The following CSMD2 variants were observed in gnomAD, a reference collection of about 807,000 sequenced individuals.
The protein encoded by CSMD2 is CUB and sushi domain-containing protein 2.
Under a neutral mutation model 398.5 loss-of-function variants are expected in CSMD2, and 130 were observed. The ratio of observed to expected loss-of-function variants is 0.33; its 90% CI spans 0.28 to 0.38. The LOEUF (loss-of-function observed/expected upper bound fraction) is 0.38, where lower values mean the gene tolerates loss of function less well. Ranked by LOEUF, CSMD2 falls within the 10% of genes least tolerant of loss-of-function variation. The pLI is 1.00. For synonymous variants in CSMD2, 1,828 were observed against 1,908.5 expected, an observed-to-expected ratio of 0.96 and a Z score of 1.10; for missense variants, 3,829 against 4,764.9, an observed-to-expected ratio of 0.80 and a Z score of 5.78.
intron 37 of CSMD2, among the ~76,000 whole-genome samples, chr1:33,619,217 A>T (rs1233413510): frequency 1.3e-5 from 2 of 152,230 alleles, no homozygotes; most frequent in African/African-American, 4.8e-5. Flanking sequence ...AGGCGGCAGA[A>T]ATGGAAGGAT....
In CSMD2 at chr1:33,624,803, T is replaced by C. The variant is rs1045098268; in HGVS notation, c.5501-160A>G. Among the ~76,000 whole-genome samples, 2 of 152,128 alleles carry C rather than the reference T, an allele frequency of 1.3e-5. No homozygotes were observed. The highest frequency in any genetic ancestry group is 6.5e-5 in the Admixed American group (1 of 15,290). On this transcript the variant is annotated intron_variant, in intron 34 of 70. Transcript: ENST00000373381. The surrounding 1 kb of genome is among the most constrained non-coding windows in gnomAD (Gnocchi z 4.7). Reference sequence around the variant, plus strand: ...CTGCCTTCTCCACGGCCTCTCCCCATGCAACTCTGTTCGGGGCCCTGGGCC... The same window carrying C: ...CTGCCTTCTCCACGGCCTCTCCCCACGCAACTCTGTTCGGGGCCCTGGGCC...
chr1:34,106,849 C>A (rs1660574599), intron 1 of CSMD2, among the ~76,000 whole-genome samples: 1 of 152,204 alleles, frequency 6.6e-6, no homozygotes, highest in Non-Finnish European at 1.5e-5. Flanking sequence ...CTAATTCTAA[C>A]TCCAGGCTTT....
intron 68 of CSMD2, among the ~76,000 whole-genome samples, chr1:33,520,920 A>G (rs1018140731): frequency 3.3e-5 from 5 of 152,248 alleles, no homozygotes; most frequent in African/African-American, 1.2e-4. Flanking sequence ...GGCCAGGACA[A>G]GGCTCCAAGG....
At chr1:33,888,105 G>T (rs1019702578) in intron 5 of CSMD2, among the ~76,000 whole-genome samples, 1 of 152,064 alleles carries the variant, frequency 6.6e-6, no homozygotes, top group African/African-American at 2.4e-5. Flanking sequence ...TTTTATTCAA[G>T]ATCATTAAAA....
chr1:33,824,486 G>A (rs1196517365), intron 7 of CSMD2, among the ~76,000 whole-genome samples: 1 of 152,190 alleles, frequency 6.6e-6, no homozygotes, highest in Non-Finnish European at 1.5e-5. Flanking sequence ...AAAGACCACA[G>A]ACAATCCCCA....
intron 3 of CSMD2, among the ~76,000 whole-genome samples, chr1:34,001,156 A>C (rs1289657964): frequency 2.0e-5 from 3 of 152,218 alleles, no homozygotes; most frequent in Non-Finnish European, 4.4e-5. Context: ...AAATTAAATA[A>C]ATACATGGAA....
In CSMD2 at chr1:33,557,822, C is replaced by A; in HGVS notation, c.8655G>T (p.Arg2885=). The A allele has an allele frequency of 6.5e-7, 1 of 1,536,106 alleles. No homozygotes were observed. Among genetic ancestry groups the A allele is most frequent in the South Asian group, 1.2e-5 (1 of 84,056 alleles). Residue 2885 remains arginine, a synonymous_variant, in exon 55 of 71, where the codon CGG becomes CGT. Coordinates refer to ENST00000373381, the MANE Select transcript of CSMD2 (RefSeq NM_001281956.2). ...RFSFGTTVSY[R]CNHGFYLLGT... is the part of the protein sequence containing the mutation. ...CCAGGAGGTAGAAGCCGTGGTTGCA[C>A]CGGTAAGACACAGTGGTGCCGAAGC...
At chr1:33,749,092 CTTTTTTTTTTTT>C (rs72469561) in intron 13 of CSMD2, among the ~76,000 whole-genome samples, 9 of 87,808 alleles carry the variant, frequency 1.0e-4, no homozygotes, top group African/African-American at 2.4e-4. Flanking sequence ...ATACAGACTT[CTTTTTTTTTTTT>C]TTTTTTTTTT....
intron 11 of CSMD2, among the ~76,000 whole-genome samples, chr1:33,788,967 T>C (rs572089003): frequency 1.3e-5 from 2 of 152,158 alleles, no homozygotes; most frequent in South Asian, 2.1e-4. Flanking sequence ...GCCCTGACCC[T>C]TGGGCTCACA....
chr1:33,749,877 A>G (rs1647972216), intron 13 of CSMD2, among the ~76,000 whole-genome samples: 1 of 152,230 alleles, frequency 6.6e-6, no homozygotes, highest in Non-Finnish European at 1.5e-5. Flanking sequence ...TCAAAACTAT[A>G]AACAAACTTG....
chr1:33,815,069 G>A (rs544689687), intron 9 of CSMD2, among the ~76,000 whole-genome samples: 218 of 152,124 alleles, frequency 1.4e-3, no homozygotes, highest in Admixed American at 3.9e-3. Flanking sequence ...GGGCTACCAG[G>A]AGAACTGTGG....
Position 33,657,939 on chromosome 1 carries a change from T to C in CSMD2, c.4447+7A>G, listed in dbSNP as rs1262571418. Reference sequence around the variant, plus strand: ...AGAGCAGAGTGCACCCTGCAGCTGCTTTGTACCGATGCATGTTGGCGGGCT... The same window carrying C: ...AGAGCAGAGTGCACCCTGCAGCTGCCTTGTACCGATGCATGTTGGCGGGCT... On this transcript the variant is annotated splice_region_variant and intron_variant, in intron 27 of 70. Coordinates refer to ENST00000373381, the MANE Select transcript of CSMD2 (RefSeq NM_001281956.2). 2 of 1,611,384 alleles carry C rather than the reference T, an allele frequency of 1.2e-6. No individual in the cohort carries two copies. Among genetic ancestry groups the C allele is most frequent in the Admixed American group, 3.3e-5 (2 of 59,938 alleles).
At chr1:33,737,511 C>A (rs1050430021) in intron 15 of CSMD2, among the ~76,000 whole-genome samples, 4 of 152,216 alleles carry the variant, frequency 2.6e-5, no homozygotes, top group Middle Eastern at 3.2e-3. Context: ...CTCAAGACAA[C>A]TCTTCAAGCG....
chr1:33,579,947 G>A (rs375562755), intron 48 of CSMD2, among the ~76,000 whole-genome samples: 1 of 152,202 alleles, frequency 6.6e-6, no homozygotes, highest in African/African-American at 2.4e-5. Context: ...CCAAAGTGCT[G>A]AGATTACAGG....
intron 5 of CSMD2, among the ~76,000 whole-genome samples, chr1:33,859,059 A>C (rs1156438570): frequency 2.0e-5 from 3 of 152,232 alleles, no homozygotes; most frequent in Non-Finnish European, 4.4e-5. Flanking sequence ...GGGGTTAAGA[A>C]TGGCAGAAGA....
rs149318404 is a variant in CSMD2 at position 33,617,617 on chromosome 1, G to A, written c.5828C>T (p.Thr1943Met). 13 of 1,610,878 alleles carry A rather than the reference G, an allele frequency of 8.1e-6. No homozygotes were observed. The highest frequency in any genetic ancestry group is 1.6e-4 in the Middle Eastern group (1 of 6,076). The change falls in exon 38 of 71, where the codon ACG becomes ATG. Residue 1943 changes from threonine (T) to methionine (M), a missense_variant and splice_region_variant. Thr to Met is a moderately conservative substitution (Grantham distance 81). Coordinates refer to ENST00000373381, the MANE Select transcript of CSMD2 (RefSeq NM_001281956.2). ...TTCCGGACAACTGCTCAGGCCCACC[G>A]CTAGACAAGACAGAGACAGAAGGAA... ...SAAGFHLEYKTVGLSSCPEPA... is the reference protein window; with the variant it reads ...SAAGFHLEYKMVGLSSCPEPA...
Position 33,876,141 on chromosome 1 carries a change from T to C in CSMD2, c.921-29145A>G, listed in dbSNP as rs139339226. 6.2e-3 allele frequency among the ~76,000 whole-genome samples: 950 copies of C among 152,324 alleles called. 17 individuals are homozygous for C. The highest frequency in any genetic ancestry group is 0.021 in the African/African-American group (875 of 41,574). On this transcript the variant is annotated intron_variant, in intron 5 of 70. Transcript: ENST00000373381. ...GAAATTGAGGCAAAGACAGATTGCC[T>C]GGTCTTAGTTGTCTCACAGCTGGGA...
At chr1:33,600,757 T>C (rs1251670975) in intron 44 of CSMD2, 108 bp downstream of exon 44, 3 of 1,127,404 alleles carry the variant, frequency 2.7e-6, no homozygotes, top group Non-Finnish European at 3.9e-6. Flanking sequence ...CAAGAGGTTA[T>C]ACAACTCACT....
intron 3 of CSMD2, among the ~76,000 whole-genome samples, chr1:34,029,348 G>A (rs1477338691): frequency 6.6e-6 from 1 of 152,144 alleles, no homozygotes; most frequent in Non-Finnish European, 1.5e-5. Context: ...GGCTCAGAGA[G>A]CTTAAAAATC....
Sources: allele counts gnomAD v4.1 joint callset (sites outside exome capture counted in the v4.1 genomes callset), GRCh38; gene constraint gnomAD v4.1.1; non-coding constraint Gnocchi (gnomAD v3.1); transcripts MANE v1.5; gene names NCBI Gene and HGNC (gene_info 2026-07-23, HGNC 2026-07-21).